Variants in EDIL3 observed in about 807,000 individuals in gnomAD.
The protein encoded by EDIL3 is EGF-like repeat and discoidin I-like domain-containing protein 3.
EDIL3 carries 37 observed loss-of-function variants against 67.4 expected under a neutral mutation model. The observed-to-expected ratio is 0.55, with a 90% CI of 0.42 to 0.72. EDIL3 has a LOEUF of 0.72. EDIL3 is among the 30% of genes least tolerant of loss of function. EDIL3 has a pLI of 0.00. For synonymous variants in EDIL3, 195 were observed against 196.3 expected (o/e 0.99, Z 0.05); for missense variants, 527 against 586.3 (o/e 0.90, Z 1.04).
intron 6 of EDIL3, among the ~76,000 whole-genome samples, chr5:84,100,565 G>C (rs1180659620): frequency 1.3e-5 from 2 of 151,976 alleles, no homozygotes; most frequent in African/African-American, 4.8e-5. Context: ...CACACACTGG[G>C]GACTGTTGAG....
At chr5:84,232,704 T>C (rs146883933) in intron 2 of EDIL3, among the ~76,000 whole-genome samples, 3 of 152,288 alleles carry the variant, frequency 2.0e-5, no homozygotes, top group African/African-American at 7.2e-5. Context: ...TTGATATGGG[T>C]AGATGTCATT....
intron 5 of EDIL3, among the ~76,000 whole-genome samples, chr5:84,111,788 G>A (rs1327110939): frequency 6.6e-6 from 1 of 152,140 alleles, no homozygotes; most frequent in African/African-American, 2.4e-5. Context: ...TACAGTACTG[G>A]TTTCCTCAAG....
chr5:84,189,630 C>T (rs1743537985), intron 3 of EDIL3, among the ~76,000 whole-genome samples: 1 of 152,124 alleles, frequency 6.6e-6, no homozygotes, highest in African/African-American at 2.4e-5. Context: ...GTACATTCAT[C>T]TTGCACACTG....
intron 6 of EDIL3, among the ~76,000 whole-genome samples, chr5:84,095,487 A>G (rs1193083929): frequency 6.6e-5 from 10 of 152,186 alleles, no homozygotes. Context: ...ACTTGCTGGG[A>G]ACTGGAGCAA....
chr5:84,109,194 C>T (rs141221440), intron 5 of EDIL3, among the ~76,000 whole-genome samples: 2,159 of 152,230 alleles, frequency 0.014, 42 homozygotes, highest in South Asian at 0.059. Context: ...TTTAGTCCTG[C>T]ATATTAATTC....
At chr5:84,232,944 C>T (rs1437613118) in intron 2 of EDIL3, among the ~76,000 whole-genome samples, 1 of 152,126 alleles carries the variant, frequency 6.6e-6, no homozygotes, top group Non-Finnish European at 1.5e-5. Context: ...AAACAAGTAT[C>T]ACAGAAGGTA....
chr5:84,111,896 G>A (rs997409862), intron 5 of EDIL3, among the ~76,000 whole-genome samples: 5 of 152,144 alleles, frequency 3.3e-5, no homozygotes, highest in Admixed American at 2.0e-4. Flanking sequence ...AGTGGGAGAA[G>A]AGAAGAGGGA....
At chr5:84,012,991 T>C (rs532154998) in intron 9 of EDIL3, among the ~76,000 whole-genome samples, 1 of 152,070 alleles carries the variant, frequency 6.6e-6, no homozygotes, top group South Asian at 2.1e-4. Flanking sequence ...TACTAGAATT[T>C]CCTCCTAATT....
chr5:83,971,916 A>T (rs1744800019), intron 9 of EDIL3, among the ~76,000 whole-genome samples: 1 of 152,134 alleles, frequency 6.6e-6, no homozygotes, highest in Non-Finnish European at 1.5e-5. Flanking sequence ...TTTCTTAATA[A>T]TCCAAAATCC....
chr5:84,369,810 G>T (rs1747808365), intron 1 of EDIL3, among the ~76,000 whole-genome samples: 1 of 152,086 alleles, frequency 6.6e-6, no homozygotes, highest in African/African-American at 2.4e-5. Context: ...AACGCTGTAT[G>T]ATATGATCCA....
At chr5:84,053,123 G>T (rs1267082850) in intron 9 of EDIL3, among the ~76,000 whole-genome samples, 2 of 152,212 alleles carry the variant, frequency 1.3e-5, no homozygotes, top group Non-Finnish European at 2.9e-5. Context: ...AGACCACAGT[G>T]CAATCAAACT....
intron 1 of EDIL3, among the ~76,000 whole-genome samples, chr5:84,348,197 C>T (rs549956688): frequency 1.3e-5 from 2 of 152,314 alleles, no homozygotes; most frequent in East Asian, 3.9e-4. Flanking sequence ...AATTTTACCA[C>T]TTGAAGCATG....
intron 9 of EDIL3, among the ~76,000 whole-genome samples, chr5:84,014,008 T>C (rs571012370): frequency 6.6e-6 from 1 of 152,186 alleles, no homozygotes; most frequent in African/African-American, 2.4e-5. Flanking sequence ...ACTTATATCA[T>C]GTTTGACTTT....
chr5:84,287,154 C>T (rs756343269), intron 1 of EDIL3, among the ~76,000 whole-genome samples: 14 of 152,122 alleles, frequency 9.2e-5, no homozygotes, highest in African/African-American at 2.9e-4. Context: ...TAGATGCATA[C>T]GTTCTATTGA....
chr5:84,102,639 A>G (rs1747388652), intron 6 of EDIL3, among the ~76,000 whole-genome samples: 1 of 151,926 alleles, frequency 6.6e-6, no homozygotes, highest in African/African-American at 2.4e-5. Context: ...AAAAAAACGA[A>G]AAAACCCTCC....
At chr5:83,960,708 A>G (rs1744591901) in intron 10 of EDIL3, among the ~76,000 whole-genome samples, 1 of 151,040 alleles carries the variant, frequency 6.6e-6, no homozygotes, top group African/African-American at 2.4e-5. Flanking sequence ...AAGCAATCAC[A>G]AAAATAGCAA....
intron 5 of EDIL3, among the ~76,000 whole-genome samples, chr5:84,109,207 T>C (rs1380622169): frequency 6.6e-6 from 1 of 152,102 alleles, no homozygotes; most frequent in Non-Finnish European, 1.5e-5. Context: ...ATTAATTCTT[T>C]CAAAAAACAT....
intron 2 of EDIL3, among the ~76,000 whole-genome samples, chr5:84,230,365 G>A (rs1022563044): frequency 4.0e-5 from 6 of 151,738 alleles, no homozygotes; most frequent in South Asian, 2.1e-4. Context: ...TTATAAGAAA[G>A]GAAGAATTAA....
At chr5:83,947,515 G>T (rs1159761895) in intron 10 of EDIL3, among the ~76,000 whole-genome samples, 1 of 151,550 alleles carries the variant, frequency 6.6e-6, no homozygotes, top group Non-Finnish European at 1.5e-5. Flanking sequence ...AACAGTCTTT[G>T]GTAGCTCTGA....
Sources: gnomAD v4.1 joint callset for allele counts (sites outside exome capture counted in the v4.1 genomes callset) on GRCh38, gnomAD v4.1.1 for gene constraint, MANE v1.5 for transcripts, NCBI Gene and HGNC (gene_info 2026-07-23, HGNC 2026-07-21) for gene names.